Variants in TGFA observed in about 807,000 individuals in gnomAD.
TGFA encodes the protein protransforming growth factor alpha.
TGFA carries 12 observed loss-of-function variants against 21.7 expected under a neutral mutation model. The ratio of observed to expected loss-of-function variants is 0.55; its 90% CI spans 0.35 to 0.90. The LOEUF (loss-of-function observed/expected upper bound fraction) is 0.90. TGFA is among the 40% of genes least tolerant of loss of function. The probability of loss-of-function intolerance (pLI) is 0.01; values close to 1 mark genes in which losing one functional copy is unlikely to be tolerated. For synonymous variants in TGFA, 79 were observed against 88.1 expected, an observed-to-expected ratio of 0.90 and a Z score of 0.58; for missense variants, 178 against 210.8, an observed-to-expected ratio of 0.84 and a Z score of 0.96.
At position 70,538,280 on chromosome 2, in the gene TGFA, A is replaced by T. The variant is rs539801349; in HGVS notation, c.40+15448T>A. Among the ~76,000 whole-genome samples, 5 of 152,356 alleles carry T rather than the reference A, an allele frequency of 3.3e-5. No individual in the cohort carries two copies. The East Asian group carries it at 7.7e-4, about 23-fold the overall frequency. On this transcript the variant is annotated intron_variant, in intron 1 of 5. Coordinates refer to ENST00000295400, the MANE Select transcript of TGFA (RefSeq NM_003236.4). ...TAAGGAGCTTAAAGTTGTTTCCATG[A>T]CTGCTAACACAGCAACCACTATGCG...
At chr2:70,459,614 G>A (rs981432108) in intron 3 of TGFA, among the ~76,000 whole-genome samples, 12 of 152,198 alleles carry the variant, frequency 7.9e-5, no homozygotes, top group African/African-American at 2.7e-4. Flanking sequence ...AGACAGTGCC[G>A]TCTTAATGCA....
chr2:70,461,472 A>G (rs1267980280), intron 3 of TGFA, among the ~76,000 whole-genome samples: 1 of 152,186 alleles, frequency 6.6e-6, no homozygotes, highest in Non-Finnish European at 1.5e-5. Context: ...TTCCACTGGA[A>G]GGGTCTGTGG....
At chr2:70,537,156 G>T (rs781864876) in intron 1 of TGFA, among the ~76,000 whole-genome samples, 7 of 151,888 alleles carry the variant, frequency 4.6e-5, no homozygotes, top group Non-Finnish European at 1.0e-4. Context: ...TGTTACTATT[G>T]TAATTGTTTC....
chr2:70,553,568 A>C, intron 1 of TGFA, 160 bp downstream of exon 1: 1 of 1,324,880 alleles, frequency 7.5e-7, no homozygotes, highest in Non-Finnish European at 9.6e-7. Context: ...TGTCATTCTT[A>C]ATGACTCCCC....
intron 2 of TGFA, among the ~76,000 whole-genome samples, chr2:70,469,697 C>T (rs56040062): frequency 0.23 from 35,012 of 152,112 alleles, 4,846 homozygotes; most frequent in East Asian, 0.4. Flanking sequence ...TACACAGAAG[C>T]AAAGGATAAA....
chr2:70,528,037 T>C (rs1672692815), intron 1 of TGFA, among the ~76,000 whole-genome samples: 1 of 152,218 alleles, frequency 6.6e-6, no homozygotes, highest in Non-Finnish European at 1.5e-5. Flanking sequence ...TGGGCTCAGC[T>C]GATTGCAAAG....
At chr2:70,451,966 C>T (rs1363445296) in intron 5 of TGFA, among the ~76,000 whole-genome samples, 3 of 152,194 alleles carry the variant, frequency 2.0e-5, no homozygotes, top group Non-Finnish European at 2.9e-5. Context: ...GTGCCGCTCC[C>T]GCACTCTCTG....
chr2:70,530,980 C>T lies in TGFA; in HGVS notation c.41-16068G>A, dbSNP rs142953096. ...CTTTCCTTTATATCTCCACACTGCA[C>T]CTGTGGGAGAAAGTTTAACAGAGAT... On this transcript the variant is annotated intron_variant, in intron 1 of 5. Transcript: ENST00000295400. Among the ~76,000 whole-genome samples, 1,197 of 152,296 alleles carry T rather than the reference C, an allele frequency of 7.9e-3. 19 individuals carry two copies. The highest frequency in any genetic ancestry group is 0.027 in the African/African-American group (1,137 of 41,552).
At chr2:70,519,709 A>G (rs1553502002) in intron 1 of TGFA, among the ~76,000 whole-genome samples, 1 of 152,274 alleles carries the variant, frequency 6.6e-6, no homozygotes, top group African/African-American at 2.4e-5. Flanking sequence ...ATCACAGGAA[A>G]TGATCCAGCA....
intron 1 of TGFA, among the ~76,000 whole-genome samples, chr2:70,522,919 T>C (rs1387449406): frequency 5.3e-5 from 8 of 152,218 alleles, no homozygotes; most frequent in Admixed American, 1.3e-4. Context: ...AGTCCCTTCC[T>C]ATGAGAAAGG....
chr2:70,538,112 C>A lies in TGFA; in HGVS notation c.40+15616G>T, dbSNP rs145004141. Among the ~76,000 whole-genome samples, 7 of 152,238 alleles carry A rather than the reference C, an allele frequency of 4.6e-5. No individual in the cohort carries two copies. The East Asian group carries it at 1.3e-3, about 29-fold the overall frequency. On this transcript the variant is annotated intron_variant, in intron 1 of 5. Coordinates refer to ENST00000295400, the MANE Select transcript of TGFA (RefSeq NM_003236.4). ...ATGGAACAGCAAAGCCTGATTACAG[C>A]ATATCTGTTTACAGTATGGTTTATG...
intron 2 of TGFA, among the ~76,000 whole-genome samples, chr2:70,510,147 T>G (rs74993411): frequency 0.026 from 3,930 of 152,250 alleles, 174 homozygotes; most frequent in African/African-American, 0.09. Flanking sequence ...TTGTGACACA[T>G]TCCCCCACGG....
intron 2 of TGFA, among the ~76,000 whole-genome samples, chr2:70,469,641 G>T (rs1268582744): frequency 6.6e-6 from 1 of 152,186 alleles, no homozygotes; most frequent in African/African-American, 2.4e-5. Flanking sequence ...CTGGCCCCCT[G>T]CAGGTGATCC....
intron 2 of TGFA, among the ~76,000 whole-genome samples, chr2:70,509,174 C>T (rs1156438287): frequency 6.6e-6 from 1 of 152,156 alleles, no homozygotes. Flanking sequence ...CATGTAGTAC[C>T]TGGGTAGAAA....
Position 70,539,294 on chromosome 2 carries a change from C to T in TGFA, c.40+14434G>A, listed in dbSNP as rs529476160. 8.5e-5 allele frequency among the ~76,000 whole-genome samples: 13 copies of T among 152,138 alleles called. No homozygotes were observed. The East Asian group carries it at 2.1e-3, about 25-fold the overall frequency. On this transcript the variant is annotated intron_variant, in intron 1 of 5. Coordinates refer to ENST00000295400, the MANE Select transcript of TGFA (RefSeq NM_003236.4). ...GCTGTATCTCTGAGGTATGCCTATA[C>T]TTCTCAAACTTTTCCATCAAAACCC...
chr2:70,494,964 C>G (rs1473423872), intron 2 of TGFA, among the ~76,000 whole-genome samples: 1 of 152,056 alleles, frequency 6.6e-6, no homozygotes, highest in Non-Finnish European at 1.5e-5. Flanking sequence ...ATTTTTATGT[C>G]TCTATTTTCC....
At chr2:70,543,282 C>G (rs1438548975) in intron 1 of TGFA, among the ~76,000 whole-genome samples, 1 of 151,934 alleles carries the variant, frequency 6.6e-6, no homozygotes, top group Non-Finnish European at 1.5e-5. Context: ...AATCCCAGCA[C>G]TTTGGGAGGC....
At chr2:70,532,741 A>G (rs891209746) in intron 1 of TGFA, among the ~76,000 whole-genome samples, 2 of 152,210 alleles carry the variant, frequency 1.3e-5, no homozygotes, top group Non-Finnish European at 2.9e-5. Context: ...GCTAGAGCAG[A>G]ACCCTCTCCC....
At chr2:70,510,248 A>G (rs1672051330) in intron 2 of TGFA, among the ~76,000 whole-genome samples, 2 of 152,250 alleles carry the variant, frequency 1.3e-5, no homozygotes, top group East Asian at 3.8e-4. Context: ...CAGCAACTAG[A>G]ATCTTTGAAC....
Sources: allele counts gnomAD v4.1 joint callset (sites outside exome capture counted in the v4.1 genomes callset), GRCh38; gene constraint gnomAD v4.1.1; transcripts MANE v1.5; gene names NCBI Gene and HGNC (gene_info 2026-07-23, HGNC 2026-07-21).